Variants in CDC20B observed in about 807,000 individuals in gnomAD.
The protein encoded by CDC20B is cell division cycle protein 20 homolog B.
In CDC20B, 58 loss-of-function variants were observed where a neutral mutation model predicts 64.1. The observed-to-expected ratio is 0.90, with a 90% CI of 0.73 to 1.13. CDC20B has a LOEUF of 1.13. CDC20B is among the 50% of genes most tolerant of loss of function. The probability of loss-of-function intolerance (pLI) is 0.00; values close to 1 mark genes in which losing one functional copy is unlikely to be tolerated. For missense variants in CDC20B, 597 were observed against 633.0 expected (o/e 0.94, Z 0.61); for synonymous variants, 243 against 230.6 (o/e 1.05, Z -0.49).
chr5:55,129,134 A>G (rs1742966974), intron 6 of CDC20B, among the ~76,000 whole-genome samples: 1 of 152,198 alleles, frequency 6.6e-6, no homozygotes, highest in African/African-American at 2.4e-5. Flanking sequence ...ACATATTTGT[A>G]TGACCATTTA....
At chr5:55,135,326 A>G (rs1162255084) in intron 5 of CDC20B, among the ~76,000 whole-genome samples, 3 of 152,324 alleles carry the variant, frequency 2.0e-5, no homozygotes, top group South Asian at 2.1e-4. Flanking sequence ...CTCTGGCTTC[A>G]TAGAACATAT....
chr5:55,172,723 C>G, intron 1 of CDC20B, 73 bp from the exon 2 acceptor site: 1 of 1,021,250 alleles, frequency 9.8e-7, no homozygotes, highest in Non-Finnish European at 1.5e-6. Flanking sequence ...TGGAATTTTT[C>G]TAGATCTTGT....
intron 5 of CDC20B, chr5:55,137,440 C>A (rs1743210999): frequency 4.7e-6 from 2 of 424,422 alleles, no homozygotes; most frequent in South Asian, 3.5e-5. Context: ...ATATACACAG[C>A]ATTTGGATAA....
chr5:55,127,203 C>A, intron 8 of CDC20B, 54 bp downstream of exon 8: 1 of 1,428,102 alleles, frequency 7.0e-7, no homozygotes. Flanking sequence ...TTACTCAGGC[C>A]CCATAATCAA....
chr5:55,155,044 A>G (rs766394338), intron 2 of CDC20B, among the ~76,000 whole-genome samples: 4 of 152,208 alleles, frequency 2.6e-5, no homozygotes, highest in Admixed American at 6.5e-5. Context: ...TGCCTGTCGC[A>G]TAGTTTTGAA....
At chr5:55,126,372 G>A (rs982659041) in intron 8 of CDC20B, 51 of 182,554 alleles carry the variant, frequency 2.8e-4, no homozygotes, top group African/African-American at 1.2e-3. Flanking sequence ...GGTGGTGGGC[G>A]CCTGTAGTCC....
chr5:55,146,919 C>G lies in CDC20B; in HGVS notation c.127-63G>C. The G allele has an allele frequency of 2.5e-6, 3 of 1,179,244 alleles. No individual in the cohort carries two copies. In the South Asian group the frequency reaches 3.9e-5, roughly 15 times the overall value. The allele number at this position is 1,179,244 out of a possible 1,614,324, so 73.0% of individuals were successfully genotyped here. ...TCAGTGATGCAAAAGTAAAAATTCC[C>G]TATAAGAGAATTACAAATGACTCAT... is the stretch of plus-strand genomic sequence containing the variant. On this transcript the variant is annotated intron_variant, in intron 2 of 11. Coordinates refer to ENST00000381375, the MANE Select transcript of CDC20B (RefSeq NM_001170402.1).
At chr5:55,120,258 T>C (rs1742724401) in intron 10 of CDC20B, among the ~76,000 whole-genome samples, 167 bp downstream of exon 10, 1 of 152,168 alleles carries the variant, frequency 6.6e-6, no homozygotes, top group Non-Finnish European at 1.5e-5. Flanking sequence ...AACTTTGAAC[T>C]CACAAATGAA....
intron 3 of CDC20B, among the ~76,000 whole-genome samples, chr5:55,145,163 T>C (rs747438813): frequency 6.6e-6 from 1 of 152,228 alleles, no homozygotes; most frequent in Admixed American, 6.5e-5. Flanking sequence ...TGTCCCTCAA[T>C]TGCAATGAGA....
intron 2 of CDC20B, among the ~76,000 whole-genome samples, chr5:55,154,545 C>T (rs1191823677): frequency 1.3e-5 from 2 of 151,904 alleles, no homozygotes; most frequent in African/African-American, 4.8e-5. Flanking sequence ...GAGGAAAACC[C>T]AAAAGGAACT....
In CDC20B at chr5:55,138,009, C is replaced by CA. The variant is rs371178558; in HGVS notation, c.580+2304dup. ...ACTGTCAAGTTCCCACACATACACACACACCCTGCCCAACCAAGTAAATAC... is the reference window on the plus strand; with the variant it reads ...ACTGTCAAGTTCCCACACATACACACAACACCCTGCCCAACCAAGTAAATAC... On this transcript the variant is annotated intron_variant, in intron 5 of 11. Coordinates refer to ENST00000381375, the MANE Select transcript of CDC20B (RefSeq NM_001170402.1). 2.2e-3 allele frequency among the ~76,000 whole-genome samples: 336 copies of CA among 152,268 alleles called. 1 individual carries two copies. Among genetic ancestry groups the CA allele is most frequent in the African/African-American group, 7.4e-3 (307 of 41,570 alleles).
At chr5:55,127,936 CAT>C (rs1208913199) in intron 7 of CDC20B, among the ~76,000 whole-genome samples, 1 of 152,022 alleles carries the variant, frequency 6.6e-6, no homozygotes, top group South Asian at 2.1e-4. Context: ...GTCATTTGCA[CAT>C]GAGTGATATT....
At chr5:55,164,504 A>G in intron 2 of CDC20B, 1 of 202,512 alleles carries the variant, frequency 4.9e-6, no homozygotes, top group African/African-American at 2.3e-5. Flanking sequence ...TCAACATGAA[A>G]TATATTAACT....
chr5:55,141,301 TTCTC>T (rs1554050176), intron 4 of CDC20B, among the ~76,000 whole-genome samples: 1 of 152,194 alleles, frequency 6.6e-6, no homozygotes. Context: ...AACACTTTCT[TTCTC>T]TGGGCACGAG....
At chr5:55,147,331 T>C (rs902532876) in intron 2 of CDC20B, among the ~76,000 whole-genome samples, 54 of 141,324 alleles carry the variant, frequency 3.8e-4, no homozygotes, top group African/African-American at 1.3e-3. Flanking sequence ...TAAACATAAG[T>C]ATGTTGTTTT....
At chr5:55,156,809 G>A (rs963868932) in intron 2 of CDC20B, among the ~76,000 whole-genome samples, 5 of 152,180 alleles carry the variant, frequency 3.3e-5, no homozygotes, top group Admixed American at 6.5e-5. Context: ...AAGAGATGGA[G>A]GTTGCAGTGA....
chr5:55,114,465 T>A lies in CDC20B; in HGVS notation c.1460-147A>T. 2 of 1,425,990 alleles carry A rather than the reference T, an allele frequency of 1.4e-6. No homozygotes were observed. Among genetic ancestry groups the A allele is most frequent in the Non-Finnish European group, 1.9e-6 (2 of 1,080,486 alleles). 88.3% of individuals were successfully genotyped at this position (1,425,990 alleles called of 1,614,324 possible). A position where few individuals can be genotyped will look rare whatever the true frequency, so the allele number is the denominator to read the frequency against. On this transcript the variant is annotated intron_variant, in intron 11 of 11. Transcript: ENST00000381375. This position sits in a 1 kb window ranked among gnomAD's most constrained non-coding sequence, Gnocchi z 4.1. ...CACCAGGTTCAGAGCTGCCACCAAC[T>A]GAGCCATGCTGGGAGACAGCAGTCA...
Position 55,124,237 on chromosome 5 carries a change from G to A in CDC20B, c.1215+566C>T, listed in dbSNP as rs535039085. Among the ~76,000 whole-genome samples, 60 of 152,312 alleles carry A rather than the reference G, an allele frequency of 3.9e-4. 1 individual carries two copies. In the South Asian group the frequency reaches 0.011, roughly 27 times the overall value. On this transcript the variant is annotated intron_variant, in intron 9 of 11. Transcript: ENST00000381375. ...GTGAGCTTGTGACCCAGGCCCATCA[G>A]TGTGCCCATCTCTCTGGCCACAATT...
rs1742573789 is a variant in CDC20B, at chr5:55,114,260, A to G, written c.1518T>C (p.Ser506=). 1.2e-6 allele frequency: 2 copies of G among 1,613,886 alleles called. No individual in the cohort carries two copies. Among genetic ancestry groups the G allele is most frequent in the Non-Finnish European group, 8.5e-7 (1 of 1,179,900 alleles). Residue 506 remains serine, a synonymous_variant, in exon 12 of 12, where the codon TCT becomes TCC. Coordinates refer to ENST00000381375, the MANE Select transcript of CDC20B (RefSeq NM_001170402.1). The surrounding 1 kb of genome is among the most constrained non-coding windows in gnomAD (Gnocchi z 4.1). ...CAGAGGCCGTCCCATCAGCTGCAGCAGAAAACACCCGGGTCTGGTCTGGAC... is the reference window on the plus strand; with the variant it reads ...CAGAGGCCGTCCCATCAGCTGCAGCGGAAAACACCCGGGTCTGGTCTGGAC... ...SLSPDQTRVF[S]AAADGTASVW...
Sources: gnomAD v4.1 joint callset for allele counts (sites outside exome capture counted in the v4.1 genomes callset) on GRCh38, gnomAD v4.1.1 for gene constraint, Gnocchi (gnomAD v3.1) non-coding constraint, MANE v1.5 for transcripts, NCBI Gene and HGNC (gene_info 2026-07-23, HGNC 2026-07-21) for gene names.